The following MACROD2 variants were observed in gnomAD, a reference collection of about 807,000 sequenced individuals.
MACROD2 encodes mono-ADP ribosylhydrolase 2, also known as ADP-ribose glycohydrolase MACROD2.
MACROD2 carries 36 observed loss-of-function variants against 70.4 expected under a neutral mutation model. The observed-to-expected ratio is 0.51, with a 90% CI of 0.39 to 0.68. MACROD2 has a LOEUF of 0.68. Ranked by LOEUF, MACROD2 falls within the 30% of genes least tolerant of loss-of-function variation. MACROD2 has a pLI of 0.00. For missense variants in MACROD2, 496 were observed against 538.4 expected, an observed-to-expected ratio of 0.92 and a Z score of 0.78; for synonymous variants, 172 against 178.8, an observed-to-expected ratio of 0.96 and a Z score of 0.30.
intron 5 of MACROD2, among the ~76,000 whole-genome samples, chr20:15,129,512 T>A (rs1483598298): frequency 6.6e-6 from 1 of 152,158 alleles, no homozygotes; most frequent in African/African-American, 2.4e-5. Context: ...TTTCTATCCC[T>A]ATTTTAAATG....
At chr20:15,780,062 T>C (rs73900207) in intron 8 of MACROD2, among the ~76,000 whole-genome samples, 8,960 of 152,116 alleles carry the variant, frequency 0.059, 799 homozygotes, top group African/African-American at 0.19. Flanking sequence ...CACACATCTG[T>C]CTTCTCAGGG....
intron 5 of MACROD2, among the ~76,000 whole-genome samples, chr20:14,789,459 A>ATTTT (rs1230000349): frequency 4.1e-5 from 2 of 48,826 alleles, no homozygotes; most frequent in Non-Finnish European, 4.4e-5. Context: ...AGGTAGTGCA[A>ATTTT]ATTTTTTTTT....
intron 10 of MACROD2, chr20:15,893,528 T>G: frequency 2.8e-6 from 1 of 362,770 alleles, no homozygotes; most frequent in South Asian, 2.1e-5. Flanking sequence ...TGGACTCAGT[T>G]TTATGAATAA....
chr20:14,089,979 C>T (rs1319157140), intron 3 of MACROD2, among the ~76,000 whole-genome samples: 6 of 152,098 alleles, frequency 3.9e-5, no homozygotes, highest in Non-Finnish European at 1.5e-5. Flanking sequence ...ATCCTGTCAC[C>T]TAGGTAATGA....
Position 15,067,229 on chromosome 20 carries a change from T to C in MACROD2, c.419-162711T>C, listed in dbSNP as rs117170090. 5.4e-3 allele frequency among the ~76,000 whole-genome samples: 824 copies of C among 152,318 alleles called. 30 individuals carry two copies. In the East Asian group the frequency reaches 0.094, roughly 17 times the overall value. On this transcript the variant is annotated intron_variant, in intron 5 of 17. Transcript: ENST00000684519. ...TTAATAAGATTACACTATTTTAAAT[T>C]TTCACAGGCAAATGTATTGAAATAT...
chr20:15,371,603 GT>G (rs1296385351), intron 6 of MACROD2, among the ~76,000 whole-genome samples: 2 of 152,108 alleles, frequency 1.3e-5, no homozygotes, highest in Non-Finnish European at 2.9e-5. Flanking sequence ...TGGATGGATA[GT>G]TTTTATAATG....
chr20:15,667,511 C>CTATG (rs2049917821), intron 8 of MACROD2, among the ~76,000 whole-genome samples: 2 of 136,116 alleles, frequency 1.5e-5, no homozygotes, highest in Non-Finnish European at 3.2e-5. Context: ...ATCTATCTAT[C>CTATG]TATCTATCTA....
intron 12 of MACROD2, among the ~76,000 whole-genome samples, chr20:15,940,050 A>G (rs1380332236): frequency 6.6e-6 from 1 of 152,120 alleles, no homozygotes; most frequent in African/African-American, 2.4e-5. Flanking sequence ...TTGAGATGGA[A>G]TCTGCTCCTG....
chr20:14,589,567 G>A (rs1399864125), intron 4 of MACROD2, among the ~76,000 whole-genome samples: 3 of 152,014 alleles, frequency 2.0e-5, no homozygotes, highest in African/African-American at 7.2e-5. Flanking sequence ...TACATATGTA[G>A]CTCTAGCCAT....
At chr20:14,607,974 C>G (rs1798442703) in intron 4 of MACROD2, among the ~76,000 whole-genome samples, 1 of 152,014 alleles carries the variant, frequency 6.6e-6, no homozygotes, top group Non-Finnish European at 1.5e-5. Context: ...AGGAAAAGGC[C>G]AGGTGTGGTG....
In MACROD2 at chr20:15,560,762, CAAAAAAAAAAAAAAAA is replaced by C. The variant is rs71190190; in HGVS notation, c.645+60929_645+60944del. Among the ~76,000 whole-genome samples the C allele has an allele frequency of 0.016, 360 of 22,102 alleles. 16 individuals are homozygous for C. In the East Asian group the frequency reaches 0.27, roughly 17 times the overall value. The allele number at this position is 22,102 out of a possible 152,430, so 14.5% of individuals were successfully genotyped here. A position where few individuals can be genotyped will look rare whatever the true frequency, so the allele number is the denominator to read the frequency against. On this transcript the variant is annotated intron_variant, in intron 8 of 17. Transcript: ENST00000684519. ...TGGGCCACAGGGCATAACAAAGTCTCAAAAAAAAAAAAAAAAAAAAAAAAAAAAAGACTGATCATAG... is the reference window on the plus strand; with the variant it reads ...TGGGCCACAGGGCATAACAAAGTCTCAAAAAAAAAAAAAGACTGATCATAG...
At chr20:15,331,688 G>T (rs2077994350) in intron 6 of MACROD2, among the ~76,000 whole-genome samples, 1 of 151,496 alleles carries the variant, frequency 6.6e-6, no homozygotes, top group Non-Finnish European at 1.5e-5. Context: ...CTCTTCTCTT[G>T]CAAAACTTCT....
At chr20:14,733,066 A>G (rs951092438) in intron 5 of MACROD2, among the ~76,000 whole-genome samples, 2 of 152,154 alleles carry the variant, frequency 1.3e-5, no homozygotes, top group Non-Finnish European at 2.9e-5. Context: ...GAAATTCTTA[A>G]TTCTTATGTC....
chr20:15,524,463 T>G (rs2047693539), intron 8 of MACROD2, among the ~76,000 whole-genome samples: 1 of 152,156 alleles, frequency 6.6e-6, no homozygotes, highest in African/African-American at 2.4e-5. Flanking sequence ...TAACAAATGT[T>G]GAGAATTAAT....
intron 5 of MACROD2, among the ~76,000 whole-genome samples, chr20:14,862,639 AT>A (rs1196567257): frequency 0.23 from 3,857 of 16,494 alleles, 614 homozygotes; most frequent in Non-Finnish European, 0.25. Context: ...AAATATATAT[AT>A]AAATATATAT....
intron 3 of MACROD2, among the ~76,000 whole-genome samples, chr20:14,355,736 A>G (rs1201408578): frequency 1.3e-5 from 2 of 152,238 alleles, no homozygotes; most frequent in East Asian, 1.9e-4. Context: ...ATTGTTATGC[A>G]TATTTTAAAA....
At chr20:15,354,214 G>A (rs2078260465) in intron 6 of MACROD2, among the ~76,000 whole-genome samples, 1 of 152,018 alleles carries the variant, frequency 6.6e-6, no homozygotes, top group Non-Finnish European at 1.5e-5. Flanking sequence ...CGTGGATGAA[G>A]CTGGAAACCA....
chr20:14,212,780 C>T (rs1359159626), intron 3 of MACROD2, among the ~76,000 whole-genome samples: 3 of 151,074 alleles, frequency 2.0e-5, no homozygotes, highest in Admixed American at 6.6e-5. Flanking sequence ...GTATGGAGCT[C>T]AGCTCATAGT....
intron 5 of MACROD2, among the ~76,000 whole-genome samples, chr20:15,010,223 T>C (rs1385250665): frequency 6.6e-6 from 1 of 152,202 alleles, no homozygotes; most frequent in Admixed American, 6.5e-5. Context: ...TTCCCTACCT[T>C]ATGCAGAACC....
Sources: allele counts gnomAD v4.1 joint callset (sites outside exome capture counted in the v4.1 genomes callset), GRCh38; gene constraint gnomAD v4.1.1; transcripts MANE v1.5; gene names NCBI Gene and HGNC (gene_info 2026-07-23, HGNC 2026-07-21).